SVIL: variants seen among roughly 807,000 people sequenced by gnomAD.
SVIL encodes supervillin, also known as archvillin.
SVIL carries 101 observed loss-of-function variants against 240.4 expected under a neutral mutation model. The ratio of observed to expected loss-of-function variants is 0.42; its 90% confidence interval spans 0.36 to 0.50. The LOEUF is 0.50. Ranked by LOEUF, SVIL falls within the 20% of genes least tolerant of loss-of-function variation. The pLI is 0.01. For missense variants in SVIL, 2,512 were observed against 2,818.7 expected (o/e 0.89, Z 2.46); for synonymous variants, 999 against 1,100.0 (o/e 0.91, Z 1.82).
intron 1 of SVIL, among the ~76,000 whole-genome samples, chr10:29,715,048 A>G (rs1963537076): frequency 1.3e-5 from 2 of 152,086 alleles, no homozygotes; most frequent in Admixed American, 6.6e-5. Context: ...AACACCCCTA[A>G]TATTTTGTGA....
intron 22 of SVIL, 41 bp downstream of exon 22, chr10:29,490,806 A>G (rs1947886521): frequency 5.0e-6 from 8 of 1,608,304 alleles, no homozygotes; most frequent in Non-Finnish European, 6.8e-6. Context: ...GGAAGAAGCC[A>G]TTCCCAAACA....
intron 1 of SVIL, among the ~76,000 whole-genome samples, chr10:29,609,458 G>A (rs920305035): frequency 5.3e-5 from 8 of 152,200 alleles, no homozygotes; most frequent in African/African-American, 1.9e-4. Flanking sequence ...GGGACTGAAA[G>A]AGCTGTAACA....
intron 29 of SVIL, among the ~76,000 whole-genome samples, chr10:29,477,839 A>G (rs1946371016): frequency 1.3e-5 from 2 of 152,234 alleles, no homozygotes; most frequent in African/African-American, 4.8e-5. Flanking sequence ...GAAGAAATAT[A>G]GAAAGGAATC....
At chr10:29,680,000 C>T (rs12244512) in intron 2 of SVIL, among the ~76,000 whole-genome samples, 54 of 151,682 alleles carry the variant, frequency 3.6e-4, no homozygotes, top group African/African-American at 1.2e-3. Context: ...GGCAATATAG[C>T]GAGATCCTAT....
chr10:29,550,514 AAT>A, intron 6 of SVIL, 81 bp downstream of exon 6: 1 of 1,406,746 alleles, frequency 7.1e-7, no homozygotes, highest in Non-Finnish European at 9.5e-7. Context: ...TAATGCTTAG[AAT>A]AGCCAAACCC....
rs1009786092 is a variant in SVIL, at chr10:29,735,513, G to T, written c.-400+238C>A. On this transcript the variant is annotated intron_variant, in intron 1 of 35. Transcript: ENST00000375400. The surrounding 1 kb of genome is among the most constrained non-coding windows in gnomAD (Gnocchi z 4.1). ...CGCGGCCGCGCCGCGCCTTTGTTAC[G>T]GCTCGGGGACCCCGCGGGCCGAGCG... is the stretch of plus-strand genomic sequence containing the variant. Among the ~76,000 whole-genome samples, 6 of 150,116 alleles carry T rather than the reference G, an allele frequency of 4.0e-5. No homozygotes were observed.
chr10:29,536,874 G>A (rs1007670768), intron 6 of SVIL, among the ~76,000 whole-genome samples: 1 of 129,648 alleles, frequency 7.7e-6, no homozygotes, highest in African/African-American at 3.1e-5. Flanking sequence ...TCATGCCACT[G>A]CACTCCAGCC....
intron 6 of SVIL, among the ~76,000 whole-genome samples, chr10:29,546,311 T>C (rs1278726451): frequency 6.6e-6 from 1 of 152,152 alleles, no homozygotes; most frequent in Non-Finnish European, 1.5e-5. Flanking sequence ...GTTAGAGAGG[T>C]GGGGCTGGAA....
chr10:29,480,890 G>A (rs2132352538), intron 28 of SVIL, 77 bp from the exon 29 acceptor site: 6 of 1,495,776 alleles, frequency 4.0e-6, no homozygotes, highest in Non-Finnish European at 5.4e-6. Flanking sequence ...TGCTGCTTCA[G>A]CTGTTCATGG....
intron 2 of SVIL, among the ~76,000 whole-genome samples, chr10:29,665,431 T>A (rs1023008669): frequency 6.6e-6 from 1 of 152,012 alleles, no homozygotes; most frequent in African/African-American, 2.4e-5. Flanking sequence ...GGTGCACATT[T>A]TCATGAAAAT....
intron 1 of SVIL, among the ~76,000 whole-genome samples, chr10:29,709,044 G>A (rs1963102643): frequency 6.6e-6 from 1 of 152,154 alleles, no homozygotes; most frequent in African/African-American, 2.4e-5. Context: ...AAAAGCCAGA[G>A]AAGGAACCGA....
intron 13 of SVIL, 74 bp from the exon 14 acceptor site, chr10:29,524,789 T>C: frequency 6.3e-7 from 1 of 1,584,876 alleles, no homozygotes. Flanking sequence ...ACGTTAACTT[T>C]CTGCCAAGTG....
chr10:29,492,035 G>A (rs1057260842), intron 21 of SVIL, among the ~76,000 whole-genome samples: 1 of 152,174 alleles, frequency 6.6e-6, no homozygotes, highest in African/African-American at 2.4e-5. Context: ...CAATTTTGCA[G>A]TTAAGAGCAG....
intron 3 of SVIL, among the ~76,000 whole-genome samples, chr10:29,657,049 T>A (rs965525926): frequency 6.6e-6 from 1 of 152,216 alleles, no homozygotes; most frequent in Non-Finnish European, 1.5e-5. Context: ...AGGTTACATG[T>A]CTTTTCCAAG....
At chr10:29,527,562 G>A (rs1204366746) in intron 12 of SVIL, among the ~76,000 whole-genome samples, 1 of 151,922 alleles carries the variant, frequency 6.6e-6, no homozygotes, top group East Asian at 1.9e-4. Context: ...GAGTAGCTGG[G>A]ATTACAGGCG....
Position 29,523,583 on chromosome 10 carries a change from G to C in SVIL, c.3031C>G (p.Leu1011Val), listed in dbSNP as rs145817085. 3.3e-5 allele frequency: 53 copies of C among 1,614,054 alleles called. No homozygotes were observed. In the African/African-American group the frequency reaches 5.5e-4, roughly 17 times the overall value. Residue 1011 changes from leucine (L) to valine (V), a missense_variant, in exon 15 of 38, where the codon CTC becomes GTC. By Grantham distance (32) the Leu-to-Val change is conservative. Coordinates refer to ENST00000355867, the MANE Select transcript of SVIL (RefSeq NM_021738.3). ...GAAAATTCCTTCGGTTCATCCCCGAGGTGGGTGATGGGAGGGTTCGCCCGT... is the reference window on the plus strand; with the variant it reads ...GAAAATTCCTTCGGTTCATCCCCGACGTGGGTGATGGGAGGGTTCGCCCGT... ...LERANPPITH[L>V]GDEPKEFSMA...
At chr10:29,611,675 A>G (rs925555321) in intron 1 of SVIL, among the ~76,000 whole-genome samples, 4 of 152,202 alleles carry the variant, frequency 2.6e-5, no homozygotes, top group African/African-American at 9.6e-5. Context: ...TGTGGTTAAA[A>G]GGTAGGCAGG....
intron 29 of SVIL, chr10:29,475,207 AT>A (rs1028625626): frequency 1.3e-5 from 2 of 152,162 alleles, no homozygotes; most frequent in African/African-American, 4.8e-5. Flanking sequence ...TATTTTTAAA[AT>A]TTTGTAGAGA....
At chr10:29,561,717 G>T (rs933631407) in intron 3 of SVIL, among the ~76,000 whole-genome samples, 2 of 152,060 alleles carry the variant, frequency 1.3e-5, no homozygotes, top group African/African-American at 4.8e-5. Context: ...TGAAAACTCT[G>T]GGGGAGAGCC....
Sources: allele counts gnomAD v4.1 joint callset (sites outside exome capture counted in the v4.1 genomes callset), GRCh38; gene constraint gnomAD v4.1.1; non-coding constraint Gnocchi (gnomAD v3.1); transcripts MANE v1.5; gene names NCBI Gene and HGNC (gene_info 2026-07-23, HGNC 2026-07-21).